NELL2: variants seen among roughly 807,000 people sequenced by gnomAD.
The protein encoded by NELL2 is protein kinase C-binding protein NELL2.
NELL2 carries 41 observed loss-of-function variants against 109.6 expected under a neutral mutation model. The observed-to-expected ratio is 0.37, with a 90% CI of 0.29 to 0.49. NELL2 has a LOEUF of 0.49. NELL2 is among the 20% of genes least tolerant of loss of function. The pLI is 0.98. For missense variants in NELL2, 900 were observed against 1,008.3 expected, an observed-to-expected ratio of 0.89 and a Z score of 1.45; for synonymous variants, 355 against 344.7, an observed-to-expected ratio of 1.03 and a Z score of -0.33.
At chr12:44,735,499 T>C (rs981973157) in intron 9 of NELL2, among the ~76,000 whole-genome samples, 1 of 152,196 alleles carries the variant, frequency 6.6e-6, no homozygotes, top group Non-Finnish European at 1.5e-5. Flanking sequence ...TAACTTGCCC[T>C]TATCATGAAG....
At chr12:44,744,186 G>C (rs1184644427) in intron 9 of NELL2, among the ~76,000 whole-genome samples, 1 of 152,114 alleles carries the variant, frequency 6.6e-6, no homozygotes, top group Non-Finnish European at 1.5e-5. Flanking sequence ...TGAACAACCT[G>C]CTCTGGAATG....
intron 1 of NELL2, among the ~76,000 whole-genome samples, chr12:44,901,708 C>A (rs1945662589): frequency 6.6e-6 from 1 of 152,188 alleles, no homozygotes. Context: ...CCAGCATGAT[C>A]AAGTCAGCTT....
chr12:44,634,045 T>C (rs188967634), intron 13 of NELL2, among the ~76,000 whole-genome samples: 378 of 152,274 alleles, frequency 2.5e-3, no homozygotes, highest in Non-Finnish European at 3.6e-3. Flanking sequence ...CAATTCCTTC[T>C]TCTACTATAT....
chr12:44,865,625 T>G (rs867021754), intron 2 of NELL2, among the ~76,000 whole-genome samples: 153 of 88,532 alleles, frequency 1.7e-3, no homozygotes, highest in African/African-American at 6.2e-3. Context: ...AGATCACATG[T>G]ACACAAGAAG....
At chr12:44,838,972 G>T (rs1739856415) in intron 2 of NELL2, among the ~76,000 whole-genome samples, 1 of 152,218 alleles carries the variant, frequency 6.6e-6, no homozygotes, top group Non-Finnish European at 1.5e-5. Context: ...CCTAGCTTCA[G>T]CATCTGAGAA....
chr12:44,665,216 T>G (rs541776135), intron 13 of NELL2, among the ~76,000 whole-genome samples: 1 of 152,274 alleles, frequency 6.6e-6, no homozygotes, highest in Non-Finnish European at 1.5e-5. Flanking sequence ...ACACAAATTT[T>G]GAGCATAAAT....
chr12:44,574,469 TA>T (rs894772213), intron 15 of NELL2, among the ~76,000 whole-genome samples: 1 of 152,216 alleles, frequency 6.6e-6, no homozygotes, highest in Non-Finnish European at 1.5e-5. Flanking sequence ...AAAATATCTA[TA>T]ACCCACTTAA....
chr12:44,591,016 A>G (rs1944725852), intron 15 of NELL2, among the ~76,000 whole-genome samples: 1 of 152,186 alleles, frequency 6.6e-6, no homozygotes, highest in African/African-American at 2.4e-5. Context: ...CAATAAATAC[A>G]TGAAGAAATG....
intron 3 of NELL2, among the ~76,000 whole-genome samples, chr12:44,786,906 A>G (rs1654675087): frequency 6.6e-6 from 1 of 152,126 alleles, no homozygotes; most frequent in African/African-American, 2.4e-5. Flanking sequence ...GGAGAGCATT[A>G]GGACAAATAC....
chr12:44,515,216 A>C (rs2138966462), intron 19 of NELL2, among the ~76,000 whole-genome samples: 1 of 152,026 alleles, frequency 6.6e-6, no homozygotes, highest in Non-Finnish European at 1.5e-5. Flanking sequence ...GTGAAAAATA[A>C]GAACAATACA....
chr12:44,670,774 C>T (rs1948112796), intron 12 of NELL2, among the ~76,000 whole-genome samples: 2 of 151,956 alleles, frequency 1.3e-5, no homozygotes, highest in East Asian at 1.9e-4. Flanking sequence ...TGTATACGCA[C>T]CTAACACAAG....
intron 2 of NELL2, among the ~76,000 whole-genome samples, chr12:44,829,109 C>A (rs1297296689): frequency 1.3e-5 from 2 of 152,130 alleles, no homozygotes; most frequent in Non-Finnish European, 2.9e-5. Flanking sequence ...AATAGCCTTT[C>A]TCTTTATCAT....
chr12:44,634,798 A>G (rs1417772402), intron 13 of NELL2, among the ~76,000 whole-genome samples: 1 of 152,152 alleles, frequency 6.6e-6, no homozygotes, highest in African/African-American at 2.4e-5. Flanking sequence ...AACAGTGTAA[A>G]AGCATTCCTA....
At chr12:44,783,146 G>A (rs1329712741) in intron 3 of NELL2, among the ~76,000 whole-genome samples, 1 of 151,782 alleles carries the variant, frequency 6.6e-6, no homozygotes, top group African/African-American at 2.4e-5. Context: ...ACAGGTCAAA[G>A]AGGAAGGCTC....
At chr12:44,834,885 TGTC>T (rs1235541791) in intron 2 of NELL2, among the ~76,000 whole-genome samples, 5 of 151,938 alleles carry the variant, frequency 3.3e-5, no homozygotes, top group East Asian at 1.9e-4. Context: ...GGGCAGTCCT[TGTC>T]GTGTTGCCAG....
At chr12:44,919,003 T>A (rs1203528626), upstream of NELL2, among the ~76,000 whole-genome samples, 1 of 152,180 alleles carries the variant, frequency 6.6e-6, no homozygotes. Context: ...AATGAAAACA[T>A]AAAAGAGCTC....
chr12:44,815,866 C>G, intron 3 of NELL2, 120 bp downstream of exon 3: 2 of 1,129,986 alleles, frequency 1.8e-6, no homozygotes, highest in Non-Finnish European at 2.4e-6. Flanking sequence ...ATTTGCCCAC[C>G]TCGGCTTCCC....
upstream of NELL2, among the ~76,000 whole-genome samples, chr12:44,880,140 CAGAG>C (rs59747538): frequency 3.4e-5 from 5 of 147,488 alleles, no homozygotes; most frequent in South Asian, 2.2e-4. Flanking sequence ...CACACACACA[CAGAG>C]AGAGAGAGAG....
chr12:44,820,049 T>A (rs1032716845), intron 2 of NELL2, among the ~76,000 whole-genome samples: 1 of 152,072 alleles, frequency 6.6e-6, no homozygotes, highest in African/African-American at 2.4e-5. Context: ...CAGATGAAGA[T>A]TTTTAAGTTT....
Sources: allele counts gnomAD v4.1 joint callset (sites outside exome capture counted in the v4.1 genomes callset), GRCh38; gene constraint gnomAD v4.1.1; transcripts MANE v1.5; gene names NCBI Gene and HGNC (gene_info 2026-07-23, HGNC 2026-07-21).